RPS6KA2: variants seen among roughly 807,000 people sequenced by gnomAD.
The protein encoded by RPS6KA2 is ribosomal protein S6 kinase alpha-2.
In RPS6KA2, 42 loss-of-function variants were observed where a neutral mutation model predicts 91.8. That is an observed-to-expected ratio of 0.46 (90% confidence interval 0.36 to 0.59). The LOEUF (loss-of-function observed/expected upper bound fraction) is 0.59, where lower values mean the gene tolerates loss of function less well. RPS6KA2 is among the 20% of genes least tolerant of loss of function. RPS6KA2 has a pLI of 0.00. For missense variants in RPS6KA2, 798 were observed against 978.5 expected, an observed-to-expected ratio of 0.82 and a Z score of 2.46; for synonymous variants, 414 against 393.6, an observed-to-expected ratio of 1.05 and a Z score of -0.61.
chr6:166,755,552 G>A (rs1486309773), intron 2 of RPS6KA2, among the ~76,000 whole-genome samples: 1 of 151,972 alleles, frequency 6.6e-6, no homozygotes, highest in East Asian at 1.9e-4. Context: ...TGAGAATCCA[G>A]CAATCTCAGA....
intron 17 of RPS6KA2, among the ~76,000 whole-genome samples, chr6:166,422,468 C>T (rs1778758548): frequency 1.3e-5 from 2 of 152,172 alleles, no homozygotes; most frequent in African/African-American, 2.4e-5. Flanking sequence ...CAAGAACCCA[C>T]GGGATCCACA....
At position 166,533,081 on chromosome 6, in the gene RPS6KA2, C is replaced by A. The variant is rs1049113899; in HGVS notation, c.217-1768G>T. Among the ~76,000 whole-genome samples the A allele has an allele frequency of 6.6e-6, 1 of 152,184 alleles. No homozygotes were observed. Among genetic ancestry groups the A allele is most frequent in the African/African-American group, 2.4e-5 (1 of 41,440 alleles). ...TCCCTCTGTGCAGTGGGCGAGCTTC[C>A]TGACAGGCAGGTAGAGATGTGAAGG... is the stretch of plus-strand genomic sequence containing the variant. On this transcript the variant is annotated intron_variant, in intron 2 of 20. Coordinates refer to ENST00000265678, the MANE Select transcript of RPS6KA2 (RefSeq NM_021135.6). This position sits in a 1 kb window ranked among gnomAD's most constrained non-coding sequence, Gnocchi z 4.0.
chr6:166,424,523 G>A (rs1778841023), intron 16 of RPS6KA2, among the ~76,000 whole-genome samples: 1 of 152,224 alleles, frequency 6.6e-6, no homozygotes, highest in Admixed American at 6.5e-5. Context: ...ATACGGTGCA[G>A]CTGCCTCCCT....
chr6:166,791,051 T>G (rs2128614053), intron 2 of RPS6KA2, among the ~76,000 whole-genome samples: 1 of 152,312 alleles, frequency 6.6e-6, no homozygotes, highest in Non-Finnish European at 1.5e-5. Context: ...ATGCTCCAAT[T>G]AAAAGACACA....
chr6:166,717,893 AG>A (rs1447440535), intron 2 of RPS6KA2, among the ~76,000 whole-genome samples: 8 of 148,602 alleles, frequency 5.4e-5, no homozygotes, highest in African/African-American at 2.0e-4. Context: ...CTTGTTGCCC[AG>A]GCTGGAGTGC....
At chr6:166,499,877 A>G (rs1019548650) in intron 7 of RPS6KA2, among the ~76,000 whole-genome samples, 1 of 152,152 alleles carries the variant, frequency 6.6e-6, no homozygotes, top group African/African-American at 2.4e-5. Context: ...TAATACAGGG[A>G]CTTTCAGAAC....
chr6:166,594,907 G>A (rs1163912883), intron 1 of RPS6KA2, among the ~76,000 whole-genome samples: 1 of 152,154 alleles, frequency 6.6e-6, no homozygotes, highest in African/African-American at 2.4e-5. Flanking sequence ...GATAAAAGAG[G>A]CAAAATAACA....
chr6:166,829,037 A>T (rs1357114941), intron 2 of RPS6KA2, among the ~76,000 whole-genome samples: 1 of 152,256 alleles, frequency 6.6e-6, no homozygotes, highest in Non-Finnish European at 1.5e-5. Context: ...CGACTTGAAC[A>T]AACATTTCTC....
At chr6:166,839,740 C>T (rs34158321) in intron 2 of RPS6KA2, among the ~76,000 whole-genome samples, 30,782 of 90,242 alleles carry the variant, frequency 0.34, 5,635 homozygotes, top group African/African-American at 0.38. Context: ...GCTCTGGAGG[C>T]GCAGCACAGG....
At chr6:166,798,804 G>A (rs537676236) in intron 2 of RPS6KA2, among the ~76,000 whole-genome samples, 11 of 152,018 alleles carry the variant, frequency 7.2e-5, no homozygotes, top group African/African-American at 2.7e-4. Context: ...CTTGGACCTC[G>A]CACCCATCCC....
chr6:166,711,375 A>C (rs1198561547), intron 2 of RPS6KA2, among the ~76,000 whole-genome samples: 1 of 91,946 alleles, frequency 1.1e-5, no homozygotes, highest in Non-Finnish European at 2.3e-5. Flanking sequence ...AAAATCACTA[A>C]TTACACAAAG....
intron 16 of RPS6KA2, among the ~76,000 whole-genome samples, chr6:166,429,384 A>G (rs111780582): frequency 0.011 from 1,629 of 152,014 alleles, 25 homozygotes; most frequent in African/African-American, 0.035. Flanking sequence ...ACATGTATAC[A>G]TATGTAACTA....
At chr6:166,466,514 C>T (rs1211765112) in intron 11 of RPS6KA2, among the ~76,000 whole-genome samples, 2 of 152,210 alleles carry the variant, frequency 1.3e-5, no homozygotes, top group Non-Finnish European at 2.9e-5. Context: ...CTCTTTCCTA[C>T]CAGCTGCAGC....
chr6:166,610,584 G>C (rs1333254122), intron 1 of RPS6KA2, among the ~76,000 whole-genome samples: 4 of 152,120 alleles, frequency 2.6e-5, no homozygotes, highest in African/African-American at 2.4e-5. Flanking sequence ...CTTTCACCCA[G>C]GGCCCCTCAG....
rs890032677 is a variant in RPS6KA2, at chr6:166,639,286, G to T, written c.124-100502C>A. On this transcript the variant is annotated intron_variant, in intron 2 of 21. Transcript: ENST00000503859. This position sits in a 1 kb window ranked among gnomAD's most constrained non-coding sequence, Gnocchi z 4.2. ...AAGACTTACCGTGACCTCCTGACAC[G>T]TCCTTATTCCCTACGTCTCTAGTTA... Among the ~76,000 whole-genome samples the T allele has an allele frequency of 6.6e-6, 1 of 152,064 alleles. No homozygotes were observed. Among genetic ancestry groups the T allele is most frequent in the Non-Finnish European group, 1.5e-5 (1 of 68,022 alleles).
chr6:166,513,412 G>A (rs1202382153), intron 3 of RPS6KA2, among the ~76,000 whole-genome samples: 1 of 152,238 alleles, frequency 6.6e-6, no homozygotes, highest in Non-Finnish European at 1.5e-5. Flanking sequence ...TCCTTCTTCT[G>A]CCTCAACTAA....
intron 5 of RPS6KA2, among the ~76,000 whole-genome samples, chr6:166,507,255 C>T (rs1422439347): frequency 1.3e-5 from 2 of 152,090 alleles, no homozygotes; most frequent in Non-Finnish European, 2.9e-5. Flanking sequence ...AGGTCAACAG[C>T]GTGACTTATG....
At chr6:166,447,719 A>G (rs1348306764) in intron 14 of RPS6KA2, among the ~76,000 whole-genome samples, 1 of 152,208 alleles carries the variant, frequency 6.6e-6, no homozygotes, top group Non-Finnish European at 1.5e-5. Flanking sequence ...GGAGAATCAC[A>G]GTTGATGAAA....
At chr6:166,667,286 G>C (rs1252319341) in intron 2 of RPS6KA2, among the ~76,000 whole-genome samples, 1 of 152,178 alleles carries the variant, frequency 6.6e-6, no homozygotes, top group African/African-American at 2.4e-5. Flanking sequence ...AAATTTTTAA[G>C]TGTAAGGATA....
Sources: gnomAD v4.1 joint callset for allele counts (sites outside exome capture counted in the v4.1 genomes callset) on GRCh38, gnomAD v4.1.1 for gene constraint, Gnocchi (gnomAD v3.1) non-coding constraint, MANE v1.5 for transcripts, NCBI Gene and HGNC (gene_info 2026-07-23, HGNC 2026-07-21) for gene names.